Variants in ITGAX observed in about 807,000 individuals in gnomAD.
ITGAX encodes integrin subunit alpha X.
ITGAX carries 99 observed loss-of-function variants against 140.2 expected under a neutral mutation model. The observed-to-expected ratio is 0.71, with a 90% confidence interval of 0.60 to 0.83. ITGAX has a LOEUF of 0.83. ITGAX is among the 40% of genes least tolerant of loss of function. ITGAX has a pLI of 0.00. For synonymous variants in ITGAX, 631 were observed against 600.4 expected (o/e 1.05, Z -0.75); for missense variants, 1,444 against 1,482.0 (o/e 0.97, Z 0.42).
rs1225429761 is a variant in ITGAX, at chr16:31,363,288, G to A, written c.1624G>A (p.Gly542Arg). Residue 542 changes from glycine to arginine, a missense_variant, in exon 14 of 30, where the codon GGG (glycine) becomes AGG (arginine). Gly to Arg is a moderately radical substitution (Grantham distance 125). Transcript: ENST00000268296. ...NGDKLTDVVI[G>R]APGEEENRGA... The stretch of plus-strand genomic sequence containing the variant: ...GGACAAGCTGACAGACGTGGTCATC[G>A]GGGCCCCAGGAGAGGAGGAGAACCG... The A allele has an allele frequency of 1.9e-6, 3 of 1,613,854 alleles. No homozygotes were observed. Among genetic ancestry groups the A allele is most frequent in the East Asian group, 2.2e-5 (1 of 44,900 alleles).
At chr16:31,378,256 A>G (rs1050354748) in intron 23 of ITGAX, among the ~76,000 whole-genome samples, 1 of 152,178 alleles carries the variant, frequency 6.6e-6, no homozygotes, top group Non-Finnish European at 1.5e-5. Context: ...GCATTTGGTC[A>G]ACAGCGTCAG....
At chr16:31,379,726 G>C (rs374886554) in intron 24 of ITGAX, 31 bp from the exon 25 acceptor site, 2 of 1,605,634 alleles carry the variant, frequency 1.2e-6, no homozygotes, top group South Asian at 1.1e-5. Flanking sequence ...GGGCTTTGGC[G>C]TGGGCTCTGC....
chr16:31,359,230 G>A (rs919181969), intron 5 of ITGAX, among the ~76,000 whole-genome samples: 3 of 151,664 alleles, frequency 2.0e-5, no homozygotes, highest in African/African-American at 7.3e-5. Flanking sequence ...GTGCTGTGGT[G>A]CGATCTCAGC....
At position 31,363,340 on chromosome 16, in the gene ITGAX, T is replaced by A. The variant is rs748501450; in HGVS notation, c.1676T>A (p.Val559Asp). ...GGTGCTGTCTACCTGTTTCACGGAG[T>A]CTTGGGACCCAGCATCAGCCCCTCC... ...NRGAVYLFHGVLGPSISPSHS... is the reference protein window; with the variant it reads ...NRGAVYLFHGDLGPSISPSHS... Residue 559 changes from valine (V) to aspartate (D), a missense_variant, in exon 14 of 30, where the codon GTC becomes GAC. Physicochemically the swap from Val to Asp is radical, Grantham distance 152. Coordinates refer to ENST00000268296, the MANE Select transcript of ITGAX (RefSeq NM_000887.5). The A allele has an allele frequency of 1.4e-5, 23 of 1,613,372 alleles. No homozygotes were observed. The highest frequency in any genetic ancestry group is 1.6e-5 in the Non-Finnish European group (19 of 1,179,744).
rs931355670 is a variant in ITGAX at position 31,382,897 on chromosome 16, C to T, written c.*990C>T. 2.2e-4 allele frequency: 40 copies of T among 179,992 alleles called. No individual in the cohort carries two copies. The highest frequency in any genetic ancestry group is 8.7e-4 in the African/African-American group (37 of 42,440). 11.1% of individuals were successfully genotyped at this position (179,992 alleles called of 1,614,324 possible). On this transcript the variant is annotated 3_prime_UTR_variant, in exon 30 of 30. Transcript: ENST00000268296. ...CATGATTATTTTTTTAAAAAGCGTACTTTAAATGTTTGTGTTAATAAATTA... is the reference window on the plus strand; with the variant it reads ...CATGATTATTTTTTTAAAAAGCGTATTTTAAATGTTTGTGTTAATAAATTA...
intron 8 of ITGAX, 127 bp from the exon 9 acceptor site, chr16:31,360,936 G>C (rs1363087638): frequency 3.4e-6 from 3 of 888,248 alleles, no homozygotes; most frequent in South Asian, 2.9e-5. Flanking sequence ...TCCGGGCTTC[G>C]TGTTTCTCCT....
In ITGAX at chr16:31,361,176, T is replaced by C. The variant is rs760082339; in HGVS notation, c.975T>C (p.Ile325=). 1.2e-6 allele frequency: 2 copies of C among 1,613,364 alleles called. No homozygotes were observed. ...KVEDFDALKD[I]QNQLKEKIFA... ...AGGACTTTGATGCTCTGAAAGATAT[T>C]CAAAACCAACTGAAGGAGAAGATCT... The change falls in exon 9 of 30, where the codon ATT becomes ATC. Residue 325 remains isoleucine, a synonymous_variant. Coordinates refer to ENST00000268296, the MANE Select transcript of ITGAX (RefSeq NM_000887.5).
intron 17 of ITGAX, 61 bp downstream of exon 17, chr16:31,371,845 G>C (rs1249998484): frequency 6.3e-7 from 1 of 1,580,072 alleles, no homozygotes; most frequent in African/African-American, 1.3e-5. Context: ...GCAGGGCAGG[G>C]AGAGAACAGG....
Position 31,362,116 on chromosome 16 carries a change from T to C in ITGAX, c.1128T>C (p.Ser376=), listed in dbSNP as rs748609911. The C allele has an allele frequency of 6.2e-7, 1 of 1,614,136 alleles. No homozygotes were observed. The highest frequency in any genetic ancestry group is 1.1e-5 in the South Asian group (1 of 91,080). ...VLGAVGSFTW[S]GGAFLYPPNM... ...GGGCTGTGGGGAGCTTCACCTGGTC[T>C]GGAGGTGCCTTCCTGTACCCCCCAA... is the stretch of plus-strand genomic sequence containing the variant. Residue 376 remains serine (S), a synonymous_variant, in exon 11 of 30, where the codon TCT becomes TCC. Transcript: ENST00000268296.
At chr16:31,360,672 A>T in intron 8 of ITGAX, 1 of 566,198 alleles carries the variant, frequency 1.8e-6, no homozygotes, top group Non-Finnish European at 3.1e-6. Flanking sequence ...GGTGTGTGCC[A>T]TCAAGCCTGG....
Position 31,363,150 on chromosome 16 carries a change from G to C in ITGAX, c.1501-15G>C, listed in dbSNP as rs1443196443. 4 of 1,608,748 alleles carry C rather than the reference G, an allele frequency of 2.5e-6. No individual in the cohort carries two copies. The highest frequency in any genetic ancestry group is 1.1e-5 in the South Asian group (1 of 90,706). On this transcript the variant is annotated splice_polypyrimidine_tract_variant and intron_variant, in intron 13 of 29. Coordinates refer to ENST00000268296, the MANE Select transcript of ITGAX (RefSeq NM_000887.5). ...GGTTGCCCGGGTTGGGCCTGGCACTGCTTTTTTTCTGCAGTGGAGAAGGTG... is the reference window on the plus strand; with the variant it reads ...GGTTGCCCGGGTTGGGCCTGGCACTCCTTTTTTTCTGCAGTGGAGAAGGTG...
chr16:31,362,911 C>G (rs1244748530), intron 12 of ITGAX, 24 bp from the exon 13 acceptor site: 2 of 1,610,774 alleles, frequency 1.2e-6, no homozygotes, highest in Non-Finnish European at 1.7e-6. Context: ...GGACAGGCAG[C>G]ATGACCCAGG....
intron 14 of ITGAX, among the ~76,000 whole-genome samples, chr16:31,365,707 G>C (rs2080885895): frequency 6.6e-6 from 1 of 152,258 alleles, no homozygotes; most frequent in South Asian, 2.1e-4. Context: ...CAGATCACTT[G>C]AGGTCAGGAG....
chr16:31,381,891 C>T lies in ITGAX; in HGVS notation c.3476C>T (p.Pro1159Leu), dbSNP rs199778020. 29 of 901,860 alleles carry T rather than the reference C, an allele frequency of 3.2e-5. No individual in the cohort carries two copies. Among genetic ancestry groups the T allele is most frequent in the East Asian group, 2.4e-4 (10 of 41,776 alleles). The allele number at this position is 901,860 out of a possible 1,614,324, so 55.9% of individuals were successfully genotyped here. ...APENGTQTPS[P>L]PSEK ...GAAAACGGGACACAGACCCCCAGCC[C>T]GCCCAGTGAGAAATGATCCCCTCTT... The change falls in exon 30 of 30, where the codon CCG (proline) becomes CTG (leucine). Residue 1159 changes from proline (P) to leucine (L), a missense_variant. Pro to Leu is a moderately conservative substitution (Grantham distance 98). Transcript: ENST00000268296.
Position 31,380,165 on chromosome 16 carries a change from T to C in ITGAX, c.3060+100T>C, listed in dbSNP as rs2081055468. 7.9e-6 allele frequency: 12 copies of C among 1,520,862 alleles called. No homozygotes were observed. The East Asian group carries it at 2.5e-4, about 32-fold the overall frequency. The allele number at this position is 1,520,862 out of a possible 1,614,324, so 94.2% of individuals were successfully genotyped here. On this transcript the variant is annotated intron_variant, in intron 26 of 29. Transcript: ENST00000268296. The stretch of plus-strand genomic sequence containing the variant: ...TATCCATCCTGCTGAAGTACCCTCT[T>C]GCATTCGGATATGGCCGCTGCCCTC...
Position 31,371,428 on chromosome 16 carries a change from G to A in ITGAX, c.1936G>A (p.Glu646Lys), listed in dbSNP as rs1486913619. 50 of 1,614,030 alleles carry A rather than the reference G, an allele frequency of 3.1e-5. No individual in the cohort carries two copies. The highest frequency in any genetic ancestry group is 4.2e-5 in the Non-Finnish European group (49 of 1,180,028). Residue 646 changes from glutamate (E) to lysine (K), a missense_variant, in exon 16 of 30, where the codon GAG becomes AAG. Physicochemically the swap from Glu to Lys is moderately conservative, Grantham distance 56. Coordinates refer to ENST00000268296, the MANE Select transcript of ITGAX (RefSeq NM_000887.5). ...TGAGTGTCGGGAGCAGGTGGTCTCT[G>A]AGCAGACCCTGGTACAGTCCAACAT... ...AFECREQVVS[E>K]QTLVQSNICL...
intron 14 of ITGAX, among the ~76,000 whole-genome samples, chr16:31,363,665 G>C (rs959778430): frequency 6.6e-6 from 1 of 152,358 alleles, no homozygotes; most frequent in East Asian, 1.9e-4. Flanking sequence ...GGCTGGTCTT[G>C]AACTCCTGAC....
chr16:31,363,037 C>G lies in ITGAX; in HGVS notation c.1462C>G (p.Arg488Gly), dbSNP rs1470874848. The G allele has an allele frequency of 7.0e-7, 1 of 1,425,818 alleles. No homozygotes were observed. Among genetic ancestry groups the G allele is most frequent in the South Asian group, 1.1e-5 (1 of 88,372 alleles). The allele number at this position is 1,425,818 out of a possible 1,614,324, so 88.3% of individuals were successfully genotyped here. A position where few individuals can be genotyped will look rare whatever the true frequency, so the allele number is the denominator to read the frequency against. The change falls in exon 13 of 30, where the codon CGA (arginine) becomes GGA (glycine). Residue 488 changes from arginine to glycine, a missense_variant. Transcript: ENST00000268296. ...IGAPHYYEQT[R>G]GGQVSVCPLP... ...GGCCCCCCATTACTACGAGCAGACC[C>G]GAGGGGGCCAGGTGTCTGTGTGTCC... is the stretch of plus-strand genomic sequence containing the variant.
chr16:31,361,830 C>T lies in ITGAX; in HGVS notation c.1013-6C>T. ...CCTGGCACTCAAGCGTCATGCCTTCCCCCAGGTACGGAGACCACAAGCAGT... is the reference window on the plus strand; with the variant it reads ...CCTGGCACTCAAGCGTCATGCCTTCTCCCAGGTACGGAGACCACAAGCAGT... On this transcript the variant is annotated splice_polypyrimidine_tract_variant and splice_region_variant and intron_variant, in intron 9 of 29. Transcript: ENST00000268296. 6.2e-7 allele frequency: 1 copy of T among 1,613,992 alleles called. No individual in the cohort carries two copies.
Sources: gnomAD v4.1 joint callset for allele counts (sites outside exome capture counted in the v4.1 genomes callset) on GRCh38, gnomAD v4.1.1 for gene constraint, MANE v1.5 for transcripts, NCBI Gene and HGNC (gene_info 2026-07-23, HGNC 2026-07-21) for gene names.